Variants in C11orf65 observed in about 807,000 individuals in gnomAD.
The protein encoded by C11orf65 is protein MFI.
C11orf65 carries 38 observed loss-of-function variants against 35.3 expected under a neutral mutation model. The ratio of observed to expected loss-of-function variants is 1.08; its 90% CI spans 0.83 to 1.41. C11orf65 has a LOEUF of 1.41. Among genes scored for constraint, C11orf65 ranks in the 40% most tolerant of loss-of-function variants. The probability of loss-of-function intolerance (pLI) is 0.00; values close to 1 mark genes in which losing one functional copy is unlikely to be tolerated. For synonymous variants in C11orf65, 105 were observed against 114.4 expected, an observed-to-expected ratio of 0.92 and a Z score of 0.53; for missense variants, 370 against 367.1, an observed-to-expected ratio of 1.01 and a Z score of -0.06.
intron 2 of C11orf65, among the ~76,000 whole-genome samples, chr11:108,337,348 A>G (rs2086961295): frequency 6.6e-6 from 1 of 152,242 alleles, no homozygotes; most frequent in African/African-American, 2.4e-5. Context: ...TTAAAAAGCT[A>G]ATTAATCCTC....
At chr11:108,334,158 T>C (rs569369594) in intron 3 of C11orf65, among the ~76,000 whole-genome samples, 2 of 152,264 alleles carry the variant, frequency 1.3e-5, no homozygotes, top group African/African-American at 4.8e-5. Flanking sequence ...CTTCTCCTGC[T>C]TTCTTTTCCA....
chr11:108,369,251 G>A (rs186519484), intron 2 of C11orf65: 176 of 153,856 alleles, frequency 1.1e-3, no homozygotes, highest in Non-Finnish European at 2.0e-3. Flanking sequence ...TGACCACGCA[G>A]TGTGAACCGG....
intron 2 of C11orf65, among the ~76,000 whole-genome samples, chr11:108,459,726 TACACACACACACAC>T (rs60928526): frequency 2.2e-4 from 30 of 138,666 alleles, no homozygotes; most frequent in Admixed American, 5.1e-4. Flanking sequence ...GTCCTCCGTC[TACACACACACACAC>T]ACACACACAC....
At chr11:108,315,946 T>C in intron 6 of C11orf65, 1 of 1,606,782 alleles carries the variant, frequency 6.2e-7, no homozygotes, top group Non-Finnish European at 8.5e-7. Flanking sequence ...GGTATAGTAA[T>C]TCTGTTTATG....
chr11:108,435,342 T>C (rs527415257), intron 2 of C11orf65, among the ~76,000 whole-genome samples: 5 of 152,122 alleles, frequency 3.3e-5, no homozygotes, highest in African/African-American at 1.2e-4. Context: ...AAAAAGACAA[T>C]TACCATACTG....
chr11:108,328,437 G>A (rs1031694115), downstream of C11orf65, among the ~76,000 whole-genome samples: 8 of 151,904 alleles, frequency 5.3e-5, no homozygotes, highest in East Asian at 7.7e-4. Flanking sequence ...TAGTAGAGAC[G>A]GTTTCGCCAC....
intron 2 of C11orf65, among the ~76,000 whole-genome samples, chr11:108,363,820 G>T (rs2091056386): frequency 6.6e-6 from 1 of 152,032 alleles, no homozygotes; most frequent in Non-Finnish European, 1.5e-5. Context: ...ACAAGCCCTT[G>T]GTTTTGAAGT....
chr11:108,353,070 G>A (rs921909736), intron 2 of C11orf65, among the ~76,000 whole-genome samples: 18 of 152,116 alleles, frequency 1.2e-4, no homozygotes, highest in African/African-American at 4.3e-4. Context: ...GGGGTGAAAT[G>A]GGGAAAAGGC....
chr11:108,353,428 G>A (rs1219118584), intron 2 of C11orf65, among the ~76,000 whole-genome samples: 2 of 151,902 alleles, frequency 1.3e-5, no homozygotes, highest in African/African-American at 4.8e-5. Context: ...ATTACAGGCG[G>A]GAGCCACCAC....
chr11:108,461,388 A>T (rs117771932), intron 2 of C11orf65, 91 bp downstream of exon 2: 2 of 961,286 alleles, frequency 2.1e-6, no homozygotes, highest in East Asian at 2.6e-5. Context: ...CAACAGAGAG[A>T]GATTCTGTCT....
chr11:108,353,297 T>C (rs993362318), intron 2 of C11orf65, among the ~76,000 whole-genome samples: 1 of 152,070 alleles, frequency 6.6e-6, no homozygotes, highest in African/African-American at 2.4e-5. Context: ...TATAGGCACC[T>C]GCTACCACAC....
chr11:108,322,808 T>A (rs1457075571), intron 6 of C11orf65, among the ~76,000 whole-genome samples: 3 of 152,010 alleles, frequency 2.0e-5, no homozygotes, highest in Non-Finnish European at 4.4e-5. Context: ...TTCCTCATGT[T>A]TTTGCACAGC....
chr11:108,469,173 G>A (rs1329880568), upstream of C11orf65, among the ~76,000 whole-genome samples: 5 of 150,260 alleles, frequency 3.3e-5, no homozygotes, highest in Admixed American at 2.0e-4. Flanking sequence ...CCGAGATAGC[G>A]CCATTGCACT....
chr11:108,392,038 G>T (rs753925970), intron 7 of C11orf65, among the ~76,000 whole-genome samples: 17 of 152,050 alleles, frequency 1.1e-4, no homozygotes, highest in Non-Finnish European at 1.9e-4. Flanking sequence ...ACAGGCGTGA[G>T]CCACTACACT....
At chr11:108,399,866 A>G (rs963247875) in intron 6 of C11orf65, among the ~76,000 whole-genome samples, 2 of 152,194 alleles carry the variant, frequency 1.3e-5, no homozygotes, top group African/African-American at 4.8e-5. Context: ...GCAAATCTGG[A>G]ACAGATTTTC....
upstream of C11orf65, among the ~76,000 whole-genome samples, chr11:108,469,863 T>C (rs576594135): frequency 7.2e-5 from 11 of 152,278 alleles, no homozygotes; most frequent in South Asian, 2.3e-3. Flanking sequence ...GAAGAACTTC[T>C]GGGTGGTTTC....
intron 3 of C11orf65, among the ~76,000 whole-genome samples, chr11:108,333,262 A>G (rs1031487485): frequency 2.6e-5 from 4 of 152,150 alleles, no homozygotes; most frequent in Non-Finnish European, 5.9e-5. Flanking sequence ...CTGCCCTGGG[A>G]CTTAAAAACA....
intron 6 of C11orf65, among the ~76,000 whole-genome samples, chr11:108,311,006 C>T (rs973934498): frequency 6.6e-6 from 1 of 152,174 alleles, no homozygotes; most frequent in African/African-American, 2.4e-5. Flanking sequence ...CTCATTATTT[C>T]GCCCAGGCTG....
At chr11:108,398,319 C>A (rs190688363) in intron 6 of C11orf65, among the ~76,000 whole-genome samples, 5 of 152,228 alleles carry the variant, frequency 3.3e-5, no homozygotes, top group Non-Finnish European at 7.4e-5. Context: ...GACTTGATGA[C>A]AGATTACATG....
Sources: allele counts gnomAD v4.1 joint callset (sites outside exome capture counted in the v4.1 genomes callset), GRCh38; gene constraint gnomAD v4.1.1; transcripts MANE v1.5; gene names NCBI Gene and HGNC (gene_info 2026-07-23, HGNC 2026-07-21).